The following INSL6 variants were observed in gnomAD, a reference collection of about 807,000 sequenced individuals.
The protein encoded by INSL6 is insulin like 6.
In INSL6, 16 loss-of-function variants were observed where a neutral mutation model predicts 9.4. The ratio of observed to expected loss-of-function variants is 1.70; its 90% CI spans 1.15 to 2.59. INSL6 has a LOEUF of 2.59. INSL6 is among the 30% of genes most tolerant of loss of function. The pLI, the probability that INSL6 is intolerant of heterozygous loss-of-function variation, is 0.00. For synonymous variants in INSL6, 154 were observed against 96.9 expected, an observed-to-expected ratio of 1.59 and a Z score of -3.46; for missense variants, 391 against 257.3, an observed-to-expected ratio of 1.52 and a Z score of -3.56.
chr9:5,112,559 C>T, the INSL6 span: 2 of 630,560 alleles, frequency 3.2e-6, no homozygotes, highest in Non-Finnish European at 5.5e-6. Flanking sequence ...GCCAATAACG[C>T]CAGGGAGCGG....
At chr9:5,041,690 C>G in the INSL6 span, 151,702 of 506,098 alleles carry the variant, frequency 0.3, 23,973 homozygotes, top group African/African-American at 0.47. Context: ...TCGACCGAAG[C>G]GGCTTCGTGT....
At chr9:5,128,805 C>CTACA (rs1824166482) in intron 3 of INSL6, among the ~76,000 whole-genome samples, 1 of 151,894 alleles carries the variant, frequency 6.6e-6, no homozygotes, top group African/African-American at 2.4e-5. Flanking sequence ...TAAGTTGGTT[C>CTACA]TGTACAAGAA....
chr9:5,127,032 T>C (rs1216263153), intron 3 of INSL6: 6 of 299,462 alleles, frequency 2.0e-5, no homozygotes, highest in African/African-American at 4.3e-5. Flanking sequence ...TTCTTAAACA[T>C]TGTCAGTTAA....
At chr9:5,085,340 C>G in the INSL6 span, 49 of 878,080 alleles carry the variant, frequency 5.6e-5, no homozygotes, top group African/African-American at 7.6e-4. Context: ...AAAGCTATTC[C>G]TACATTTTTT....
the INSL6 span, among the ~76,000 whole-genome samples, chr9:5,084,705 T>G: frequency 6.6e-6 from 1 of 152,206 alleles, no homozygotes; most frequent in African/African-American, 2.4e-5. Context: ...TAACATGGAT[T>G]ATTTGTGTAA....
chr9:5,122,021 T>C (rs764082051), downstream of INSL6, among the ~76,000 whole-genome samples: 43 of 152,240 alleles, frequency 2.8e-4, no homozygotes, highest in Non-Finnish European at 5.4e-4. Flanking sequence ...AAAAAGAATA[T>C]AGCATTAGGA....
At position 5,142,398 on chromosome 9, in the gene INSL6, G is replaced by T. The variant is rs139491248; in HGVS notation, c.377-8806C>A. On this transcript the variant is annotated intron_variant, in intron 2 of 3. Coordinates refer to the INSL6 transcript ENST00000649639. ...TCATCTCTGATTTCTTTGAGCAGTTGTTTGTAGTTCTCCTTACAGAGATCT... is the reference window on the plus strand; with the variant it reads ...TCATCTCTGATTTCTTTGAGCAGTTTTTTGTAGTTCTCCTTACAGAGATCT... Among the ~76,000 whole-genome samples, 875 of 152,256 alleles carry T rather than the reference G, an allele frequency of 5.7e-3. 4 individuals are homozygous for T. The highest frequency in any genetic ancestry group is 0.019 in the African/African-American group (809 of 41,574).
chr9:5,040,877 C>T, the INSL6 span: 185 of 251,554 alleles, frequency 7.4e-4, 1 homozygote, highest in African/African-American at 3.9e-3. Context: ...AGCGCGGATC[C>T]GCGCCGCGCT....
At chr9:5,074,606 G>A in the INSL6 span, among the ~76,000 whole-genome samples, 1 of 152,140 alleles carries the variant, frequency 6.6e-6, no homozygotes, top group Non-Finnish European at 1.5e-5. Flanking sequence ...CTCCATCAAT[G>A]AGCCATTCCT....
the INSL6 span, chr9:5,054,428 C>G: frequency 7.6e-6 from 5 of 657,990 alleles, no homozygotes; most frequent in Non-Finnish European, 1.3e-5. The surrounding 1 kb of genome is among the most constrained non-coding windows in gnomAD (Gnocchi z 4.9). Flanking sequence ...GTTATGTCAA[C>G]TTACGCCACT....
chr9:5,111,331 C>T, the INSL6 span: 3 of 437,086 alleles, frequency 6.9e-6, no homozygotes, highest in South Asian at 3.8e-5. Flanking sequence ...CTGTCCCCCT[C>T]AGGCATGAAG....
downstream of INSL6, among the ~76,000 whole-genome samples, chr9:5,161,207 C>T (rs774437264): frequency 3.3e-5 from 5 of 152,006 alleles, no homozygotes; most frequent in African/African-American, 4.8e-5. Flanking sequence ...GTAAACCAAA[C>T]GCAACAACAC....
intron 2 of INSL6, among the ~76,000 whole-genome samples, chr9:5,145,225 T>G (rs1475879980): frequency 6.6e-6 from 1 of 151,494 alleles, no homozygotes; most frequent in Admixed American, 6.6e-5. Flanking sequence ...CTTATGAAGC[T>G]TAGCTTGGCC....
At chr9:5,042,132 T>C in the INSL6 span, among the ~76,000 whole-genome samples, 11 of 131,868 alleles carry the variant, frequency 8.3e-5, no homozygotes, top group African/African-American at 2.4e-4. Flanking sequence ...TTCTTTTTTT[T>C]TTTTTTTTTT....
At position 5,165,402 on chromosome 9, in the gene INSL6, A is replaced by G. The variant is rs560245196; in HGVS notation, c.290-1137T>C. The stretch of plus-strand genomic sequence containing the variant: ...AATTTTTCAATCCCAGCATCGGTAC[A>G]GTAGAGTTCCAATTTTCCCACATCC... On this transcript the variant is annotated intron_variant, in intron 1 of 1. Transcript: ENST00000381641. 3.9e-5 allele frequency among the ~76,000 whole-genome samples: 6 copies of G among 152,280 alleles called. No individual in the cohort carries two copies. In the East Asian group the frequency reaches 1.2e-3, roughly 29 times the overall value.
the INSL6 span, among the ~76,000 whole-genome samples, chr9:5,043,145 A>G: frequency 1.3e-5 from 2 of 152,176 alleles, no homozygotes; most frequent in African/African-American, 2.4e-5. Flanking sequence ...GTGTATGTGC[A>G]GGGGGGTCTG....
the INSL6 span, chr9:5,089,915 CTGTGTAATATAAA>C: frequency 8.0e-7 from 1 of 1,248,086 alleles, no homozygotes; most frequent in Non-Finnish European, 1.1e-6. Flanking sequence ...GTTTGGCATC[CTGTGTAATATAAA>C]TGTACAATGT....
the INSL6 span, among the ~76,000 whole-genome samples, chr9:5,116,174 ATCTC>A: frequency 6.6e-6 from 1 of 152,116 alleles, no homozygotes; most frequent in Non-Finnish European, 1.5e-5. Context: ...TATGATTATT[ATCTC>A]TATTTTAAGC....
At chr9:5,031,056 G>A in the INSL6 span, among the ~76,000 whole-genome samples, 2 of 152,058 alleles carry the variant, frequency 1.3e-5, no homozygotes, top group Admixed American at 1.3e-4. Context: ...GACAGTATAG[G>A]AAAATTAGAA....
Sources: gnomAD v4.1 joint callset for allele counts (sites outside exome capture counted in the v4.1 genomes callset) on GRCh38, gnomAD v4.1.1 for gene constraint, Gnocchi (gnomAD v3.1) non-coding constraint, MANE v1.5 for transcripts, NCBI Gene and HGNC (gene_info 2026-07-23, HGNC 2026-07-21) for gene names.